Variants in PLPP4 observed in about 807,000 individuals in gnomAD.
PLPP4 encodes diacylglycerol pyrophosphate like 2.
PLPP4 carries 20 observed loss-of-function variants against 32.2 expected under a neutral mutation model. That is an observed-to-expected ratio of 0.62 (90% CI 0.44 to 0.90). PLPP4 has a LOEUF of 0.90. Among genes scored for constraint, PLPP4 ranks in the 40% least tolerant of loss-of-function variants. The probability of loss-of-function intolerance (pLI) is 0.00; values close to 1 mark genes in which losing one functional copy is unlikely to be tolerated. For missense variants in PLPP4, 257 were observed against 353.1 expected (o/e 0.73, Z 2.18); for synonymous variants, 127 against 133.0 (o/e 0.95, Z 0.31).
At chr10:120,462,923 A>G (rs1848125368) in intron 1 of PLPP4, among the ~76,000 whole-genome samples, 1 of 151,686 alleles carries the variant, frequency 6.6e-6, no homozygotes, top group Non-Finnish European at 1.5e-5. Context: ...TGTTAAGTGA[A>G]GTTTTGGGGT....
chr10:120,538,036 C>CTG (rs1406049216), intron 5 of PLPP4, among the ~76,000 whole-genome samples: 6 of 55,962 alleles, frequency 1.1e-4, no homozygotes, highest in East Asian at 4.5e-4. Context: ...CTCTCTCTCT[C>CTG]TCTCTCTCTC....
upstream of PLPP4, chr10:120,457,081 A>T (rs947944161): frequency 4.8e-6 from 1 of 206,304 alleles, no homozygotes; most frequent in Non-Finnish European, 9.5e-6. Context: ...GGTCCGCAGT[A>T]TCGCCAGCGG....
chr10:120,502,009 C>T (rs779999387), intron 1 of PLPP4, among the ~76,000 whole-genome samples: 1 of 152,128 alleles, frequency 6.6e-6, no homozygotes, highest in Non-Finnish European at 1.5e-5. Context: ...AGCTGATGCC[C>T]AGAGAGGGTG....
intron 5 of PLPP4, among the ~76,000 whole-genome samples, chr10:120,529,491 A>G (rs1258637117): frequency 6.6e-6 from 1 of 152,108 alleles, no homozygotes; most frequent in East Asian, 1.9e-4. Context: ...TTCTCAAAGA[A>G]ATAGCTCACT....
chr10:120,540,852 C>T (rs1847305598), intron 5 of PLPP4, among the ~76,000 whole-genome samples: 1 of 152,174 alleles, frequency 6.6e-6, no homozygotes, highest in African/African-American at 2.4e-5. Flanking sequence ...GAAGTGAGAG[C>T]ATTTCTGAGC....
intron 6 of PLPP4, among the ~76,000 whole-genome samples, chr10:120,579,488 A>G (rs1218513261): frequency 1.3e-5 from 2 of 152,156 alleles, no homozygotes; most frequent in African/African-American, 2.4e-5. Context: ...TGAACTAAAT[A>G]TAGTTACCAA....
intron 1 of PLPP4, among the ~76,000 whole-genome samples, chr10:120,491,749 T>C (rs1844733692): frequency 1.3e-5 from 2 of 152,184 alleles, no homozygotes; most frequent in Non-Finnish European, 2.9e-5. Context: ...TGAAGTCTTT[T>C]AAAGCAGATC....
intron 5 of PLPP4, among the ~76,000 whole-genome samples, chr10:120,574,669 T>C (rs925833309): frequency 5.3e-5 from 8 of 152,214 alleles, no homozygotes; most frequent in Non-Finnish European, 8.8e-5. Flanking sequence ...TACTTTCCCA[T>C]GCCCTTCAGA....
intron 1 of PLPP4, among the ~76,000 whole-genome samples, chr10:120,487,097 C>G (rs1308807228): frequency 1.3e-5 from 2 of 152,182 alleles, no homozygotes; most frequent in Non-Finnish European, 2.9e-5. Flanking sequence ...CACTTTTTCC[C>G]AAACTTGTTA....
At chr10:120,506,359 C>T (rs1845490166) in intron 2 of PLPP4, among the ~76,000 whole-genome samples, 1 of 152,124 alleles carries the variant, frequency 6.6e-6, no homozygotes, top group African/African-American at 2.4e-5. Context: ...ATTTGTTCTC[C>T]TGGGTTTTAA....
chr10:120,534,106 T>G (rs983981399), intron 5 of PLPP4, among the ~76,000 whole-genome samples: 42 of 152,174 alleles, frequency 2.8e-4, no homozygotes, highest in African/African-American at 8.0e-4. Context: ...GGATCACTTG[T>G]TTGTGGTCTA....
chr10:120,542,465 T>C (rs1267702860), intron 5 of PLPP4, among the ~76,000 whole-genome samples: 1 of 152,188 alleles, frequency 6.6e-6, no homozygotes, highest in Non-Finnish European at 1.5e-5. Context: ...ATAGTTGTCC[T>C]AAAAAGTTAG....
intron 6 of PLPP4, among the ~76,000 whole-genome samples, chr10:120,578,651 G>A (rs1438152535): frequency 6.6e-6 from 1 of 152,124 alleles, no homozygotes. Flanking sequence ...GGTCTTTTCT[G>A]CCTCCCCAGC....
intron 1 of PLPP4, among the ~76,000 whole-genome samples, chr10:120,483,264 T>A (rs1442664961): frequency 1.3e-5 from 2 of 152,188 alleles, no homozygotes; most frequent in East Asian, 3.9e-4. Context: ...CTCCTGCTGA[T>A]CCACCACTGG....
intron 1 of PLPP4, among the ~76,000 whole-genome samples, chr10:120,459,707 T>C (rs1847954370): frequency 6.6e-6 from 1 of 152,170 alleles, no homozygotes; most frequent in South Asian, 2.1e-4. Flanking sequence ...ACCCTATTGC[T>C]CAGGATGAAA....
At chr10:120,476,274 C>T (rs1843903633) in intron 1 of PLPP4, among the ~76,000 whole-genome samples, 1 of 152,242 alleles carries the variant, frequency 6.6e-6, no homozygotes, top group Non-Finnish European at 1.5e-5. Flanking sequence ...GACTCTTTTC[C>T]ATAAGTTATA....
intron 5 of PLPP4, among the ~76,000 whole-genome samples, chr10:120,568,077 C>G (rs915682612): frequency 1.3e-5 from 2 of 152,200 alleles, no homozygotes; most frequent in African/African-American, 4.8e-5. Flanking sequence ...TCTTGAGTTA[C>G]AAAAATAAGG....
At chr10:120,581,368 A>G in intron 6 of PLPP4, 1 of 921,510 alleles carries the variant, frequency 1.1e-6, no homozygotes, top group Non-Finnish European at 1.3e-6. Flanking sequence ...GAATCATTGC[A>G]GAAGCCTCTC....
At chr10:120,497,615 T>C (rs1282912917) in intron 1 of PLPP4, among the ~76,000 whole-genome samples, 1 of 152,232 alleles carries the variant, frequency 6.6e-6, no homozygotes, top group Non-Finnish European at 1.5e-5. Context: ...TGAATTTTTT[T>C]TTCTTGCCCT....
Sources: allele counts gnomAD v4.1 joint callset (sites outside exome capture counted in the v4.1 genomes callset), GRCh38; gene constraint gnomAD v4.1.1; transcripts MANE v1.5; gene names NCBI Gene and HGNC (gene_info 2026-07-23, HGNC 2026-07-21).